TENM2: variants seen among roughly 807,000 people sequenced by gnomAD.
The protein encoded by TENM2 is teneurin transmembrane protein 2.
A neutral mutation model predicts 245.2 loss-of-function variants in TENM2; 52 were observed. That is an observed-to-expected ratio of 0.21 (90% CI 0.17 to 0.27). TENM2 has a LOEUF of 0.27. TENM2 is among the 10% of genes least tolerant of loss of function. The pLI, the probability that TENM2 is intolerant of heterozygous loss-of-function variation, is 1.00. For missense variants in TENM2, 3,046 were observed against 3,666.8 expected (o/e 0.83, Z 4.37); for synonymous variants, 1,363 against 1,438.9 (o/e 0.95, Z 1.19).
At chr5:167,382,285 T>C (rs1177106559) in intron 2 of TENM2, among the ~76,000 whole-genome samples, 1 of 152,192 alleles carries the variant, frequency 6.6e-6, no homozygotes, top group Non-Finnish European at 1.5e-5. Flanking sequence ...AAATGGTTTA[T>C]GGGGTCTGTA....
intron 3 of TENM2, among the ~76,000 whole-genome samples, chr5:167,934,630 G>C (rs1778551319): frequency 6.6e-6 from 1 of 152,220 alleles, no homozygotes. Context: ...GGAGCAATGA[G>C]ACATGTCGAG....
intron 7 of TENM2, among the ~76,000 whole-genome samples, chr5:168,074,816 C>G (rs1417923165): frequency 6.6e-6 from 1 of 152,220 alleles, no homozygotes; most frequent in African/African-American, 2.4e-5. Flanking sequence ...ACTCCTCATG[C>G]CTCCATAAGC....
chr5:167,477,423 G>A (rs1373505013), intron 2 of TENM2, among the ~76,000 whole-genome samples: 1 of 94,070 alleles, frequency 1.1e-5, no homozygotes, highest in African/African-American at 3.2e-5. Context: ...TGATCTCCAG[G>A]CCCTGTTGGC....
At chr5:168,041,738 A>G (rs1273961558) in intron 5 of TENM2, among the ~76,000 whole-genome samples, 2 of 152,246 alleles carry the variant, frequency 1.3e-5, no homozygotes, top group Non-Finnish European at 2.9e-5. Flanking sequence ...CCTGGTGCCT[A>G]GGACACATCT....
chr5:167,445,796 C>A (rs1765175223), intron 2 of TENM2, among the ~76,000 whole-genome samples: 1 of 152,166 alleles, frequency 6.6e-6, no homozygotes, highest in African/African-American at 2.4e-5. Context: ...AATGGTGTAA[C>A]TGCCCAAACC....
chr5:167,497,883 A>G (rs1451075458), intron 2 of TENM2, among the ~76,000 whole-genome samples: 2 of 152,040 alleles, frequency 1.3e-5, no homozygotes, highest in Admixed American at 6.6e-5. Flanking sequence ...TCTATTCATT[A>G]TCACAGAAAT....
intron 2 of TENM2, among the ~76,000 whole-genome samples, 187 bp from the exon 5 acceptor site, chr5:167,875,799 C>T (rs1408075381): frequency 6.6e-6 from 1 of 151,894 alleles, no homozygotes; most frequent in Non-Finnish European, 1.5e-5. Flanking sequence ...TATGCAACTA[C>T]CTAAAATATG....
intron 2 of TENM2, among the ~76,000 whole-genome samples, chr5:167,630,600 G>A (rs1778803915): frequency 6.6e-6 from 1 of 152,172 alleles, no homozygotes; most frequent in Non-Finnish European, 1.5e-5. Context: ...GAGGGATTTT[G>A]AGGGTCTGGG....
the TENM2 span, among the ~76,000 whole-genome samples, chr5:167,148,902 G>C: frequency 6.6e-6 from 1 of 152,098 alleles, no homozygotes; most frequent in Non-Finnish European, 1.5e-5. Context: ...TTTATTACCA[G>C]GAGCTCAAGA....
At chr5:167,125,660 T>C in the TENM2 span, among the ~76,000 whole-genome samples, 2 of 152,234 alleles carry the variant, frequency 1.3e-5, no homozygotes, top group African/African-American at 4.8e-5. Flanking sequence ...CATAGATATA[T>C]ACACACGCAT....
chr5:167,337,134 A>G (rs1757822088), intron 1 of TENM2, among the ~76,000 whole-genome samples: 1 of 150,246 alleles, frequency 6.7e-6, no homozygotes, highest in Admixed American at 6.6e-5. Flanking sequence ...AAAAAAAAAA[A>G]AAAAAAAAAA....
intron 2 of TENM2, among the ~76,000 whole-genome samples, chr5:167,636,772 A>G (rs1315996645): frequency 1.3e-5 from 2 of 152,250 alleles, no homozygotes; most frequent in African/African-American, 4.8e-5. Flanking sequence ...ATATCCTATT[A>G]CATTGATTAA....
the TENM2 span, among the ~76,000 whole-genome samples, chr5:167,029,260 C>T: frequency 6.6e-6 from 1 of 152,112 alleles, no homozygotes. Flanking sequence ...TTCTTCTTCC[C>T]TGATATTCCA....
At chr5:168,233,156 T>G (rs1438037431) in intron 25 of TENM2, among the ~76,000 whole-genome samples, 1 of 152,068 alleles carries the variant, frequency 6.6e-6, no homozygotes, top group Non-Finnish European at 1.5e-5. Context: ...TGAAACCCCA[T>G]CTCTACTAAA....
chr5:168,176,238 A>G (rs1759347658), intron 13 of TENM2, among the ~76,000 whole-genome samples: 1 of 152,178 alleles, frequency 6.6e-6, no homozygotes, highest in African/African-American at 2.4e-5. Flanking sequence ...AAGCCTTGCC[A>G]GGGCCTCTCA....
At chr5:167,450,970 CTCT>C (rs1231367234) in intron 2 of TENM2, among the ~76,000 whole-genome samples, 1 of 152,088 alleles carries the variant, frequency 6.6e-6, no homozygotes, top group Non-Finnish European at 1.5e-5. Flanking sequence ...ACTGTACAGT[CTCT>C]TATTTTTTTA....
chr5:167,290,474 C>T (rs1389571407), intron 1 of TENM2, among the ~76,000 whole-genome samples: 2 of 152,134 alleles, frequency 1.3e-5, no homozygotes, highest in Admixed American at 6.5e-5. Flanking sequence ...GCAGAAGTGG[C>T]GATCACTTGC....
At chr5:167,515,003 T>A (rs1264358909) in intron 2 of TENM2, among the ~76,000 whole-genome samples, 1 of 151,970 alleles carries the variant, frequency 6.6e-6, no homozygotes, top group Non-Finnish European at 1.5e-5. Context: ...AGAGCGAGAC[T>A]CCATCTCAAA....
rs752445081 is a variant in TENM2 at position 168,226,060 on chromosome 5, G to C, written c.5109-28G>C. The C allele has an allele frequency of 1.9e-6, 3 of 1,601,020 alleles. No homozygotes were observed. In the Admixed American group the frequency reaches 5.1e-5, roughly 27 times the overall value. On this transcript the variant is annotated intron_variant, in intron 23 of 28. Transcript: ENST00000518659. The stretch of plus-strand genomic sequence containing the variant: ...GCCCCAATGACTGCTGCTAACCAGG[G>C]TTTATCTATCTATCTATCTCCCCCC...
Sources: gnomAD v4.1 joint callset for allele counts (sites outside exome capture counted in the v4.1 genomes callset) on GRCh38, gnomAD v4.1.1 for gene constraint, MANE v1.5 for transcripts, NCBI Gene and HGNC (gene_info 2026-07-23, HGNC 2026-07-21) for gene names.